The following POLQ variants were observed in gnomAD, a reference collection of about 807,000 sequenced individuals.
The protein encoded by POLQ is epididymis secretory sperm binding protein.
POLQ carries 233 observed loss-of-function variants against 259.2 expected under a neutral mutation model. That is an observed-to-expected ratio of 0.90 (90% CI 0.81 to 1.00). POLQ has a LOEUF of 1.00. Among genes scored for constraint, POLQ ranks in the 50% least tolerant of loss-of-function variants. The pLI is 0.00. For synonymous variants in POLQ, 1,025 were observed against 1,048.8 expected, an observed-to-expected ratio of 0.98 and a Z score of 0.44; for missense variants, 2,871 against 3,051.6, an observed-to-expected ratio of 0.94 and a Z score of 1.39.
intron 25 of POLQ, 39 bp from the exon 26 acceptor site, chr3:121,449,465 C>T: frequency 1.8e-6 from 2 of 1,113,334 alleles, no homozygotes; most frequent in Non-Finnish European, 2.7e-6. Flanking sequence ...GTTATAAGTA[C>T]ATAAAATGCA....
intron 19 of POLQ, among the ~76,000 whole-genome samples, chr3:121,478,304 A>G (rs1312176655): frequency 1.3e-5 from 2 of 152,176 alleles, no homozygotes; most frequent in African/African-American, 4.8e-5. Flanking sequence ...ATCCTTGATC[A>G]TAATAAATCC....
intron 9 of POLQ, among the ~76,000 whole-genome samples, chr3:121,515,319 T>A (rs1260257594): frequency 6.6e-6 from 1 of 152,150 alleles, no homozygotes; most frequent in Admixed American, 6.5e-5. Context: ...TGAGCCACCA[T>A]GCTCAATCAT....
chr3:121,494,150 C>T (rs1345827571), intron 14 of POLQ: 38 of 884,698 alleles, frequency 4.3e-5, no homozygotes, highest in Non-Finnish European at 5.3e-5. Context: ...AAGGTGGCTC[C>T]GGCCCCTGCT....
In POLQ at chr3:121,474,501, G is replaced by A. The variant is rs146362980; in HGVS notation, c.6406-1014C>T. Among the ~76,000 whole-genome samples the A allele has an allele frequency of 1.2e-4, 18 of 152,274 alleles. No homozygotes were observed. In the East Asian group the frequency reaches 3.5e-3, roughly 29 times the overall value. On this transcript the variant is annotated intron_variant, in intron 20 of 29. Coordinates refer to ENST00000264233, the MANE Select transcript of POLQ (RefSeq NM_199420.4). ...AATCATTCACTTATATACTTTGAGT[G>A]GGTTTTAATGAACCTTGGATTATTT... is the stretch of plus-strand genomic sequence containing the variant.
At chr3:121,490,860 C>A (rs1237377702) in intron 15 of POLQ, among the ~76,000 whole-genome samples, 1 of 152,114 alleles carries the variant, frequency 6.6e-6, no homozygotes, top group East Asian at 1.9e-4. Context: ...TCGAGACCAG[C>A]CTGGCCAACA....
chr3:121,476,583 G>T lies in POLQ; in HGVS notation c.6362C>A (p.Ala2121Asp). The change falls in exon 20 of 30, where the codon GCT (alanine) becomes GAT (aspartate). Residue 2121 changes from alanine to aspartate, a missense_variant. By Grantham distance (126) the Ala-to-Asp change is moderately radical. Transcript: ENST00000264233. The part of the protein sequence containing the change: ...DAIETQAYQL[A>D]GHSFSFTSSD... ...ACTGGTGAAAGAAAAACTGTGGCCA[G>T]CTAGTTGATAGGCCTGGGTCTCAAT... is the stretch of plus-strand genomic sequence containing the variant. 2.5e-6 allele frequency: 4 copies of T among 1,613,866 alleles called. No individual in the cohort carries two copies. The highest frequency in any genetic ancestry group is 3.4e-6 in the Non-Finnish European group (4 of 1,179,870).
chr3:121,442,654 T>C (rs1164323963), intron 26 of POLQ, among the ~76,000 whole-genome samples: 1 of 152,190 alleles, frequency 6.6e-6, no homozygotes. Flanking sequence ...TAGTACTCCA[T>C]TGTGTACCTG....
intron 9 of POLQ, 126 bp from the exon 10 acceptor site, chr3:121,512,155 T>A: frequency 1.3e-6 from 1 of 746,080 alleles, no homozygotes; most frequent in Non-Finnish European, 2.1e-6. Context: ...GTTATGGTAA[T>A]AAAATTATGG....
In POLQ at chr3:121,454,766, C is replaced by A. The variant is rs183121639; in HGVS notation, c.7152+5284G>T. ...GAGTGACCTTCAAGAGACTTAGACTCCCACACAATAATAATGGGAGACTTT... is the reference window on the plus strand; with the variant it reads ...GAGTGACCTTCAAGAGACTTAGACTACCACACAATAATAATGGGAGACTTT... On this transcript the variant is annotated intron_variant, in intron 25 of 29. Transcript: ENST00000264233. 1.5e-3 allele frequency among the ~76,000 whole-genome samples: 224 copies of A among 152,218 alleles called. 2 individuals carry two copies. Among genetic ancestry groups the A allele is most frequent in the Admixed American group, 4.3e-3 (66 of 15,286 alleles).
chr3:121,538,936 C>CA (rs1021210144), intron 4 of POLQ, among the ~76,000 whole-genome samples: 4 of 151,894 alleles, frequency 2.6e-5, no homozygotes, highest in African/African-American at 9.7e-5. Context: ...TCCATAATGG[C>CA]AAAAAAATGC....
chr3:121,519,675 C>CA (rs959037678), intron 9 of POLQ, among the ~76,000 whole-genome samples, 196 bp downstream of exon 9: 11,686 of 58,708 alleles, frequency 0.2, 830 homozygotes, highest in East Asian at 0.25. Flanking sequence ...GACTCCGTCT[C>CA]AAAAAAAAAA....
chr3:121,498,179 AC>A (rs1174946691), intron 13 of POLQ, among the ~76,000 whole-genome samples: 1 of 152,058 alleles, frequency 6.6e-6, no homozygotes, highest in Non-Finnish European at 1.5e-5. Flanking sequence ...GCATGGTGGC[AC>A]ATGCCTGTAA....
chr3:121,478,953 G>C (rs1468502464), intron 19 of POLQ, among the ~76,000 whole-genome samples: 2 of 152,080 alleles, frequency 1.3e-5, no homozygotes, highest in Non-Finnish European at 2.9e-5. Context: ...ATATAAAATT[G>C]TGCATCCAGA....
At chr3:121,452,661 G>A (rs1166544397) in intron 25 of POLQ, among the ~76,000 whole-genome samples, 1 of 152,110 alleles carries the variant, frequency 6.6e-6, no homozygotes, top group Non-Finnish European at 1.5e-5. Flanking sequence ...CGGCGGATAA[G>A]TGTGTTGGAT....
intron 25 of POLQ, among the ~76,000 whole-genome samples, chr3:121,456,494 A>G (rs937741806): frequency 6.6e-6 from 1 of 152,228 alleles, no homozygotes; most frequent in African/African-American, 2.4e-5. Flanking sequence ...CCATTGTCTC[A>G]GCCCAAAATC....
Position 121,544,866 on chromosome 3 carries a change from C to T in POLQ, c.204G>A (p.Lys68=). The change falls in exon 2 of 30, where the codon AAG becomes AAA. Residue 68 remains lysine, a synonymous_variant. Transcript: ENST00000264233. The part of the protein sequence containing the change: ...KPTVPDYERD[K]LLLANWGLPK... ...GAAGTCCCCAGTTTGCCAATAGTAG[C>T]TTGTCTCTTTCGTAGTCAGGAACTG... 1.2e-6 allele frequency: 2 copies of T among 1,611,502 alleles called. No homozygotes were observed. The highest frequency in any genetic ancestry group is 1.7e-6 in the Non-Finnish European group (2 of 1,177,810).
intron 20 of POLQ, 23 bp from the exon 21 acceptor site, chr3:121,473,510 T>A (rs776414279): frequency 6.3e-7 from 1 of 1,587,592 alleles, no homozygotes; most frequent in Non-Finnish European, 8.6e-7. Flanking sequence ...AATGTCTCTT[T>A]AGTCAAGAAT....
intron 14 of POLQ, chr3:121,494,694 G>A (rs1329013056): frequency 1.0e-5 from 16 of 1,580,364 alleles, no homozygotes; most frequent in Non-Finnish European, 1.4e-5. Flanking sequence ...CTAGTCCACA[G>A]GAAGACCTGC....
Position 121,490,347 on chromosome 3 carries a change from T to C in POLQ, c.2584A>G (p.Ile862Val). 1 of 1,614,254 alleles carries C rather than the reference T, an allele frequency of 6.2e-7. No homozygotes were observed. The highest frequency in any genetic ancestry group is 8.5e-7 in the Non-Finnish European group (1 of 1,180,046). ...AAACCTTTTCTGCCAGTCACCCAGA[T>C]AGTTCGCATATTGCGACGTTCTTCA... ...AVEERRNMRTIWVTGRKGLTE... is the reference protein window; with the variant it reads ...AVEERRNMRTVWVTGRKGLTE... The change falls in exon 16 of 30, where the codon ATC becomes GTC. Residue 862 changes from isoleucine to valine, a missense_variant. By Grantham distance (29) the Ile-to-Val change is conservative. Coordinates refer to ENST00000264233, the MANE Select transcript of POLQ (RefSeq NM_199420.4).
Sources: allele counts gnomAD v4.1 joint callset (sites outside exome capture counted in the v4.1 genomes callset), GRCh38; gene constraint gnomAD v4.1.1; transcripts MANE v1.5; gene names NCBI Gene and HGNC (gene_info 2026-07-23, HGNC 2026-07-21).